SSBP4: variants seen among roughly 807,000 people sequenced by gnomAD.
The protein encoded by SSBP4 is single stranded DNA binding protein 4, also known as single-stranded DNA-binding protein 4.
A neutral mutation model predicts 64.6 loss-of-function variants in SSBP4; 33 were observed. That is an observed-to-expected ratio of 0.51 (90% CI 0.39 to 0.68). The LOEUF (loss-of-function observed/expected upper bound fraction) is 0.68. Ranked by LOEUF, SSBP4 falls within the 30% of genes least tolerant of loss-of-function variation. SSBP4 has a pLI of 0.00. For synonymous variants in SSBP4, 243 were observed against 224.0 expected (o/e 1.08, Z -0.76); for missense variants, 583 against 566.8 (o/e 1.03, Z -0.29).
Position 18,433,602 on chromosome 19 carries a change from G to A in SSBP4, c.1009G>A (p.Gly337Arg). The A allele has an allele frequency of 2.0e-6, 3 of 1,529,888 alleles. No homozygotes were observed. Among genetic ancestry groups the A allele is most frequent in the African/African-American group, 1.4e-5 (1 of 69,876 alleles). 94.8% of individuals were successfully genotyped at this position (1,529,888 alleles called of 1,614,324 possible). A position where few individuals can be genotyped will look rare whatever the true frequency, so the allele number is the denominator to read the frequency against. Reference protein sequence around the residue: ...NGSLGSGDMDGLPKSSPGAVA... With the variant: ...NGSLGSGDMDRLPKSSPGAVA... Reference sequence around the variant, plus strand: ...GTCTGTAGGCTCGGGCGACATGGACGGGTTGCCGAAGGTAAGGAGGCTGCG... The same window carrying A: ...GTCTGTAGGCTCGGGCGACATGGACAGGTTGCCGAAGGTAAGGAGGCTGCG... Residue 337 changes from glycine (G) to arginine (R), a missense_variant, in exon 16 of 18, where the codon GGG becomes AGG. This residue lies in a region of SSBP4 where 444 missense variants were observed against 386.6 expected (regional missense o/e 1.15). Coordinates refer to ENST00000270061, the MANE Select transcript of SSBP4 (RefSeq NM_032627.5).
the SSBP4 span, among the ~76,000 whole-genome samples, chr19:18,412,070 T>C: frequency 9.2e-5 from 14 of 151,878 alleles, no homozygotes; most frequent in African/African-American, 3.4e-4. Flanking sequence ...GAAGCTGAGC[T>C]GCGAGGATCG....
In SSBP4 at chr19:18,431,858, C is replaced by T. The variant is rs745602624; in HGVS notation, c.561C>T (p.Ala187=). The stretch of plus-strand genomic sequence containing the variant: ...GCGCCATGGAGCCCTCCCCACGAGC[C>T]CAGGGTGAGTAGGGAAGCTCCAGCC... ...LPGAMEPSPR[A]QGHPSMGGPM... is the part of the protein sequence containing the mutation. The change falls in exon 8 of 18, where the codon GCC becomes GCT. Residue 187 remains alanine (A), a synonymous_variant. Transcript: ENST00000270061. 3.8e-6 allele frequency: 6 copies of T among 1,572,834 alleles called. No homozygotes were observed. The Admixed American group carries it at 1.1e-4, about 29-fold the overall frequency.
chr19:18,404,783 C>T, the SSBP4 span, among the ~76,000 whole-genome samples: 1 of 134,808 alleles, frequency 7.4e-6, no homozygotes, highest in East Asian at 2.3e-4. Context: ...TCCCAGCTAC[C>T]GGGGAGGCTG....
At chr19:18,412,490 C>T in the SSBP4 span, among the ~76,000 whole-genome samples, 2 of 145,832 alleles carry the variant, frequency 1.4e-5, no homozygotes, top group South Asian at 2.2e-4. Context: ...AAGGAGGAGG[C>T]GGAGGCTGGA....
upstream of SSBP4, among the ~76,000 whole-genome samples, chr19:18,417,789 G>A (rs1362643573): frequency 3.9e-5 from 6 of 152,134 alleles, no homozygotes; most frequent in South Asian, 2.1e-4. This position sits in a 1 kb window ranked among gnomAD's most constrained non-coding sequence, Gnocchi z 5.4. Flanking sequence ...GAGGAGGCGG[G>A]GCTGGGGCCG....
intron 5 of SSBP4, among the ~76,000 whole-genome samples, 200 bp downstream of exon 5, chr19:18,431,130 CTG>C (rs1973334176): frequency 6.6e-6 from 1 of 152,188 alleles, no homozygotes; most frequent in Non-Finnish European, 1.5e-5. Context: ...GGGTGGGTGT[CTG>C]TGCACTTGGC....
chr19:18,414,348 T>C (rs534334502), upstream of SSBP4, among the ~76,000 whole-genome samples: 1 of 152,262 alleles, frequency 6.6e-6, no homozygotes, highest in South Asian at 2.1e-4. Flanking sequence ...AAATGATGGC[T>C]GGGCTTGTTA....
At chr19:18,418,837 C>CGCCTGCGTGAGGCTGGGT (rs1972233730), upstream of SSBP4, 1 of 417,254 alleles carries the variant, frequency 2.4e-6, no homozygotes, top group African/African-American at 2.2e-5. The surrounding 1 kb of genome is among the most constrained non-coding windows in gnomAD (Gnocchi z 6.7). Context: ...CATAAGCGCG[C>CGCCTGCGTGAGGCTGGGT]GCCTGCGTGA....
At chr19:18,404,881 G>T in the SSBP4 span, among the ~76,000 whole-genome samples, 8 of 114,490 alleles carry the variant, frequency 7.0e-5, no homozygotes. Flanking sequence ...AACAGAGCGA[G>T]ACTCCATCTC....
At chr19:18,420,900 C>T (rs1247231170) in intron 1 of SSBP4, among the ~76,000 whole-genome samples, 5 of 151,772 alleles carry the variant, frequency 3.3e-5, no homozygotes, top group Admixed American at 3.3e-4. Flanking sequence ...GGAGGGGAGT[C>T]TTGTCATAGC....
chr19:18,414,501 A>G (rs1009290072), upstream of SSBP4, among the ~76,000 whole-genome samples: 3 of 152,172 alleles, frequency 2.0e-5, no homozygotes, highest in South Asian at 6.2e-4. Context: ...CTAAAAAGAA[A>G]AACTAGAGAT....
chr19:18,425,344 C>A (rs938785793), intron 1 of SSBP4, among the ~76,000 whole-genome samples: 28 of 152,166 alleles, frequency 1.8e-4, no homozygotes, highest in African/African-American at 6.0e-4. Context: ...CTGTCTTACC[C>A]CACTCTGGCC....
At chr19:18,422,698 C>T (rs886904199) in intron 1 of SSBP4, among the ~76,000 whole-genome samples, 7 of 152,168 alleles carry the variant, frequency 4.6e-5, no homozygotes. Flanking sequence ...GGTGGGAGCC[C>T]GTAGGCAGAG....
At chr19:18,415,732 G>T (rs1048253207), upstream of SSBP4, among the ~76,000 whole-genome samples, 1 of 152,182 alleles carries the variant, frequency 6.6e-6, no homozygotes, top group Non-Finnish European at 1.5e-5. Context: ...AACCGCTAGC[G>T]CAAAGGCTTA....
the SSBP4 span, among the ~76,000 whole-genome samples, chr19:18,412,037 C>T: frequency 2.0e-5 from 3 of 152,134 alleles, no homozygotes; most frequent in South Asian, 4.1e-4. Flanking sequence ...TGGTGGTGCA[C>T]GTCTGTTGCC....
At chr19:18,433,429 A>C in intron 15 of SSBP4, 156 bp from the exon 16 acceptor site, 1 of 1,373,972 alleles carries the variant, frequency 7.3e-7, no homozygotes, top group Non-Finnish European at 1.0e-6. Context: ...CCCAGGCCCA[A>C]CCCTCCACCT....
At chr19:18,403,300 C>T in the SSBP4 span, among the ~76,000 whole-genome samples, 1 of 152,334 alleles carries the variant, frequency 6.6e-6, no homozygotes, top group Non-Finnish European at 1.5e-5. Flanking sequence ...ACTGAGGGAA[C>T]TCAGAGACTG....
intron 4 of SSBP4, 76 bp from the exon 5 acceptor site, chr19:18,430,765 A>G: frequency 2.5e-6 from 3 of 1,194,582 alleles, no homozygotes; most frequent in Non-Finnish European, 3.3e-6. Flanking sequence ...CCACCTGCAG[A>G]GAGGGGGGGC....
At chr19:18,405,046 C>T in the SSBP4 span, among the ~76,000 whole-genome samples, 1 of 151,450 alleles carries the variant, frequency 6.6e-6, no homozygotes, top group Non-Finnish European at 1.5e-5. Flanking sequence ...CTGGGGTGGC[C>T]CCGCCTCAAT....
Sources: gnomAD v4.1 joint callset for allele counts (sites outside exome capture counted in the v4.1 genomes callset) on GRCh38, gnomAD v4.1.1 for gene constraint, gnomAD v4.1.1 regional missense constraint, Gnocchi (gnomAD v3.1) non-coding constraint, MANE v1.5 for transcripts, NCBI Gene and HGNC (gene_info 2026-07-23, HGNC 2026-07-21) for gene names.